Variants in YWHAG observed in about 807,000 individuals in gnomAD.
YWHAG encodes 14-3-3 protein gamma.
YWHAG carries 1 observed loss-of-function variant against 23.3 expected under a neutral mutation model. The observed-to-expected ratio is 0.04, with a 90% confidence interval of 0.02 to 0.20. The LOEUF is 0.20. YWHAG is among the 10% of genes least tolerant of loss of function. YWHAG has a pLI of 1.00. For missense variants in YWHAG, 151 were observed against 338.6 expected, an observed-to-expected ratio of 0.45 and a Z score of 4.35; for synonymous variants, 160 against 144.0, an observed-to-expected ratio of 1.11 and a Z score of -0.80.
Position 76,327,695 on chromosome 7 carries a change from G to A in YWHAG, c.*1882C>T, listed in dbSNP as rs1232054716. The A allele has an allele frequency of 1.1e-4, 2 of 17,628 alleles. No individual in the cohort carries two copies. Among genetic ancestry groups the A allele is most frequent in the African/African-American group, 2.6e-4 (1 of 3,858 alleles). 1.1% of individuals were successfully genotyped at this position (17,628 alleles called of 1,614,324 possible). The stretch of plus-strand genomic sequence containing the variant: ...CCCCCCCCCCCTCCCCCCCCAAATC[G>A]TCTTCCTCCCATGGCAATGACTTTA... On this transcript the variant is annotated 3_prime_UTR_variant, in exon 2 of 2. Transcript: ENST00000307630.
rs1374730208 is a variant in YWHAG at position 76,358,841 on chromosome 7, G to A, written c.-33C>T. On this transcript the variant is annotated 5_prime_UTR_variant, in exon 1 of 2. Coordinates refer to ENST00000307630, the MANE Select transcript of YWHAG (RefSeq NM_012479.4). ...GGGCTGGGTCTGGCCGGAGAAGGAG[G>A]AGGACACTGGGGCGGCCTGAAGGGC... The A allele has an allele frequency of 9.5e-6, 15 of 1,575,216 alleles. No homozygotes were observed. The highest frequency in any genetic ancestry group is 7.1e-5 in the Admixed American group (4 of 56,004).
At chr7:76,356,195 G>C (rs1200324086) in intron 1 of YWHAG, among the ~76,000 whole-genome samples, 2 of 152,134 alleles carry the variant, frequency 1.3e-5, no homozygotes, top group Non-Finnish European at 2.9e-5. Context: ...AATTCTCCAC[G>C]ATGACTTTTA....
At chr7:76,353,209 G>C (rs76657513) in intron 1 of YWHAG, among the ~76,000 whole-genome samples, 2,158 of 151,728 alleles carry the variant, frequency 0.014, 35 homozygotes, top group South Asian at 0.06. Flanking sequence ...GCTTTCTTTT[G>C]GGAATTTTTT....
chr7:76,358,925 T>TGAGGCGGCGGCTGCGCG lies in YWHAG; in HGVS notation c.-134_-118dup, dbSNP rs1804007634. On this transcript the variant is annotated 5_prime_UTR_variant, in exon 1 of 2. Coordinates refer to ENST00000307630, the MANE Select transcript of YWHAG (RefSeq NM_012479.4). ...AGGACCGACCCACAGAGCGAGCAGC[T>TGAGGCGGCGGCTGCGCG]GAGGCGGCGGCTGCGCGGAGGAGGC... The TGAGGCGGCGGCTGCGCG allele has an allele frequency of 4.1e-6, 4 of 977,452 alleles. No homozygotes were observed. In the Admixed American group the frequency reaches 1.2e-4, roughly 29 times the overall value. 60.5% of individuals were successfully genotyped at this position (977,452 alleles called of 1,614,324 possible). A position where few individuals can be genotyped will look rare whatever the true frequency, so the allele number is the denominator to read the frequency against.
chr7:76,344,133 CAG>C (rs1312647158), intron 1 of YWHAG, among the ~76,000 whole-genome samples: 10 of 151,736 alleles, frequency 6.6e-5, no homozygotes, highest in African/African-American at 1.9e-4. Context: ...TTTTTTGAGA[CAG>C]AGTCTCGCTC....
At chr7:76,345,746 G>GCCAA (rs1803769723) in intron 1 of YWHAG, among the ~76,000 whole-genome samples, 1 of 151,912 alleles carries the variant, frequency 6.6e-6, no homozygotes, top group Non-Finnish European at 1.5e-5. Flanking sequence ...AACCGGCCTG[G>GCCAA]CCAACATGGT....
intron 1 of YWHAG, among the ~76,000 whole-genome samples, chr7:76,341,404 C>CAAAAAAAAA (rs1158151013): frequency 1.1e-4 from 5 of 44,648 alleles, no homozygotes; most frequent in African/African-American, 1.6e-4. Context: ...ACTCTTGCCT[C>CAAAAAAAAA]AAAAAAAAAA....
At chr7:76,342,809 A>G (rs1803717612) in intron 1 of YWHAG, among the ~76,000 whole-genome samples, 1 of 151,888 alleles carries the variant, frequency 6.6e-6, no homozygotes, top group Non-Finnish European at 1.5e-5. Context: ...TGGCGGGGAG[A>G]GAGGACTTTC....
rs770088071 is a variant in YWHAG at position 76,358,708 on chromosome 7, G to C, written c.87+14C>G. On this transcript the variant is annotated intron_variant, in intron 1 of 1. Transcript: ENST00000307630. ...AGGGGCAGGGAGCGGCGGGGGAGGG[G>C]AGGAGACACTCACGTTCTTCATGGC... The C allele has an allele frequency of 6.4e-7, 1 of 1,572,868 alleles. No homozygotes were observed. Among genetic ancestry groups the C allele is most frequent in the African/African-American group, 1.4e-5 (1 of 72,288 alleles).
At position 76,329,509 on chromosome 7, in the gene YWHAG, C is replaced by CCAA; in HGVS notation, c.*67_*68insTTG. 4 of 1,421,548 alleles carry CCAA rather than the reference C, an allele frequency of 2.8e-6. No homozygotes were observed. The highest frequency in any genetic ancestry group is 1.4e-5 in the African/African-American group (1 of 69,392). The allele number at this position is 1,421,548 out of a possible 1,614,324, so 88.1% of individuals were successfully genotyped here. On this transcript the variant is annotated 3_prime_UTR_variant, in exon 2 of 2. Coordinates refer to ENST00000307630, the MANE Select transcript of YWHAG (RefSeq NM_012479.4). This position sits in a 1 kb window ranked among gnomAD's most constrained non-coding sequence, Gnocchi z 6.1. ...CCCTTTCCCTCCCCCACCCGACCCC[C>CCAA]AACTCATGGGAAAAAAATAAAGACT...
intron 1 of YWHAG, among the ~76,000 whole-genome samples, chr7:76,342,861 G>A (rs968093242): frequency 6.6e-6 from 1 of 152,120 alleles, no homozygotes; most frequent in African/African-American, 2.4e-5. Flanking sequence ...AACCAGCCGG[G>A]CACAGTGGCT....
Position 76,329,298 on chromosome 7 carries a change from T to A in YWHAG, c.*279A>T. 2.6e-6 allele frequency: 1 copy of A among 387,578 alleles called. No individual in the cohort carries two copies. The highest frequency in any genetic ancestry group is 5.2e-5 in the South Asian group (1 of 19,332). The allele number at this position is 387,578 out of a possible 1,614,324, so 24.0% of individuals were successfully genotyped here. The stretch of plus-strand genomic sequence containing the variant: ...GAAAACCCTATTATCTAGCAATAAG[T>A]TAAATTAGAGACAGACAGCTCCACT... On this transcript the variant is annotated 3_prime_UTR_variant, in exon 2 of 2. Coordinates refer to ENST00000307630, the MANE Select transcript of YWHAG (RefSeq NM_012479.4). This position sits in a 1 kb window ranked among gnomAD's most constrained non-coding sequence, Gnocchi z 6.1.
chr7:76,348,886 A>T (rs78268906), intron 1 of YWHAG, among the ~76,000 whole-genome samples: 6 of 142,476 alleles, frequency 4.2e-5, no homozygotes, highest in African/African-American at 1.1e-4. Flanking sequence ...GAAAAAAAAA[A>T]TTTTAAGGCA....
At chr7:76,332,789 C>G (rs1803564099) in intron 1 of YWHAG, among the ~76,000 whole-genome samples, 1 of 151,848 alleles carries the variant, frequency 6.6e-6, no homozygotes, top group African/African-American at 2.4e-5. Flanking sequence ...TCACTGCAAC[C>G]TCCCCCCAAG....
rs1204481189 is a variant in YWHAG, at chr7:76,358,850, G to A, written c.-42C>T. ...CTGGCCGGAGAAGGAGGAGGACACT[G>A]GGGCGGCCTGAAGGGCTTGGAGGGC... On this transcript the variant is annotated 5_prime_UTR_variant, in exon 1 of 2. Coordinates refer to ENST00000307630, the MANE Select transcript of YWHAG (RefSeq NM_012479.4). 2 of 1,563,552 alleles carry A rather than the reference G, an allele frequency of 1.3e-6. No homozygotes were observed.
At chr7:76,347,821 T>C (rs1803805789) in intron 1 of YWHAG, among the ~76,000 whole-genome samples, 1 of 152,236 alleles carries the variant, frequency 6.6e-6, no homozygotes, top group African/African-American at 2.4e-5. Context: ...TCTGCTTCCA[T>C]TCGGTTCTGA....
At chr7:76,349,739 A>G (rs1158533819) in intron 1 of YWHAG, among the ~76,000 whole-genome samples, 1 of 152,204 alleles carries the variant, frequency 6.6e-6, no homozygotes, top group African/African-American at 2.4e-5. Context: ...TGGCCAGCAA[A>G]CGATGAAAAA....
At chr7:76,341,562 A>G (rs1293092354) in intron 1 of YWHAG, among the ~76,000 whole-genome samples, 2 of 152,182 alleles carry the variant, frequency 1.3e-5, no homozygotes, top group Non-Finnish European at 2.9e-5. Flanking sequence ...TTATTTAGAC[A>G]GACAAATGAT....
In YWHAG at chr7:76,327,203, C is replaced by G. The variant is rs1327037444; in HGVS notation, c.*2374G>C. On this transcript the variant is annotated 3_prime_UTR_variant, in exon 2 of 2. Coordinates refer to ENST00000307630, the MANE Select transcript of YWHAG (RefSeq NM_012479.4). ...ACTATTTGGTAGAGCAAACTTTACCCCCAAAAGGAAAAATTAAATTAAAAA... is the reference window on the plus strand; with the variant it reads ...ACTATTTGGTAGAGCAAACTTTACCGCCAAAAGGAAAAATTAAATTAAAAA... 6.6e-6 allele frequency: 1 copy of G among 151,428 alleles called. No individual in the cohort carries two copies. The highest frequency in any genetic ancestry group is 1.5e-5 in the Non-Finnish European group (1 of 67,932). 9.4% of individuals were successfully genotyped at this position (151,428 alleles called of 1,614,324 possible).
Sources: allele counts gnomAD v4.1 joint callset (sites outside exome capture counted in the v4.1 genomes callset), GRCh38; gene constraint gnomAD v4.1.1; non-coding constraint Gnocchi (gnomAD v3.1); transcripts MANE v1.5; gene names NCBI Gene and HGNC (gene_info 2026-07-23, HGNC 2026-07-21).